The following TENM1 variants were observed in gnomAD, a reference collection of about 807,000 sequenced individuals.
The protein encoded by TENM1 is teneurin-1.
A neutral mutation model predicts 174.8 loss-of-function variants in TENM1; 35 were observed. That is an observed-to-expected ratio of 0.20 (90% CI 0.15 to 0.27). The LOEUF is 0.27. TENM1 is among the 10% of genes least tolerant of loss of function. TENM1 has a pLI of 1.00. For missense variants in TENM1, 1,633 were observed against 2,130.1 expected (o/e 0.77, Z 4.59); for synonymous variants, 781 against 798.7 (o/e 0.98, Z 0.37).
At chrX:124,894,679 A>G (rs1394532795) in intron 2 of TENM1, among the ~76,000 whole-genome samples, 1 of 111,251 alleles carries the variant, frequency 9.0e-6, no homozygotes, top group African/African-American at 3.3e-5. Flanking sequence ...AACCCAGTGA[A>G]TATGTCCAGA....
intron 3 of TENM1, among the ~76,000 whole-genome samples, chrX:124,797,548 C>T (rs1036600823): frequency 1.8e-5 from 2 of 111,165 alleles, no homozygotes; most frequent in African/African-American, 6.5e-5. Context: ...CTTATTTTTC[C>T]CTGGAAACAT....
At chrX:124,991,620 A>C in the TENM1 span, among the ~76,000 whole-genome samples, 1 of 110,562 alleles carries the variant, frequency 9.0e-6, no homozygotes, top group Non-Finnish European at 1.9e-5. Flanking sequence ...ATGATGCAAA[A>C]AAGGGGAATT....
chrX:124,833,358 C>T (rs1383441513), intron 3 of TENM1, among the ~76,000 whole-genome samples: 1 of 112,143 alleles, frequency 8.9e-6, no homozygotes, highest in Admixed American at 9.4e-5. Flanking sequence ...GCAATGCTTA[C>T]GTTCTTTGCA....
chrX:124,862,418 C>T (rs1249537305), intron 3 of TENM1, among the ~76,000 whole-genome samples: 1 of 111,843 alleles, frequency 8.9e-6, no homozygotes. Context: ...TTGCCCGTGG[C>T]AGCAGCTGTG....
intron 11 of TENM1, among the ~76,000 whole-genome samples, chrX:124,598,721 A>G (rs1352660234): frequency 2.7e-5 from 3 of 111,318 alleles, no homozygotes; most frequent in Non-Finnish European, 5.7e-5. Context: ...AGGGAGTAGA[A>G]GGATGGTTAC....
chrX:124,395,829 G>A (rs935640658), intron 27 of TENM1, among the ~76,000 whole-genome samples: 2 of 111,920 alleles, frequency 1.8e-5, no homozygotes, highest in African/African-American at 3.3e-5. Flanking sequence ...AAATATCCAT[G>A]TACTCCCAGA....
At chrX:124,905,329 G>T (rs191924244) in intron 1 of TENM1, among the ~76,000 whole-genome samples, 3 of 111,325 alleles carry the variant, frequency 2.7e-5, no homozygotes, top group African/African-American at 9.8e-5. Flanking sequence ...ATGAATGAAT[G>T]AATAAATTTT....
intron 3 of TENM1, among the ~76,000 whole-genome samples, chrX:124,787,804 T>G (rs1389712057): frequency 1.8e-5 from 2 of 112,382 alleles, no homozygotes; most frequent in Non-Finnish European, 3.8e-5. Context: ...AACAATGAAA[T>G]GAGATAGATT....
intron 23 of TENM1, among the ~76,000 whole-genome samples, chrX:124,436,936 CTTTTT>C (rs34651854): frequency 2.6e-5 from 1 of 38,491 alleles, no homozygotes; most frequent in Non-Finnish European, 4.3e-5. Context: ...CTGACTGCAT[CTTTTT>C]TTTTTTTTTT....
chrX:124,453,007 T>C (rs1383502886), intron 23 of TENM1, among the ~76,000 whole-genome samples: 1 of 111,043 alleles, frequency 9.0e-6, no homozygotes, highest in Non-Finnish European at 1.9e-5. Flanking sequence ...ACTTAAAGTA[T>C]AATAAAAAAA....
chrX:125,021,625 A>G, the TENM1 span, among the ~76,000 whole-genome samples: 2 of 111,339 alleles, frequency 1.8e-5, no homozygotes, highest in African/African-American at 6.5e-5. Context: ...TAAATGTTTT[A>G]GGCTTTCTGG....
the TENM1 span, among the ~76,000 whole-genome samples, chrX:125,199,690 C>T: frequency 2.2e-4 from 24 of 111,482 alleles, no homozygotes; most frequent in East Asian, 6.4e-3. Flanking sequence ...CCTGAAGTTA[C>T]ATAAAAATCT....
chrX:125,147,275 A>C, the TENM1 span, among the ~76,000 whole-genome samples: 1 of 109,420 alleles, frequency 9.1e-6, no homozygotes. Context: ...TATCTACATA[A>C]GTATAGTATA....
the TENM1 span, among the ~76,000 whole-genome samples, chrX:125,135,795 T>C: frequency 1.1e-4 from 12 of 112,210 alleles, no homozygotes; most frequent in East Asian, 3.4e-3. Context: ...CATATTCTTC[T>C]CAATAAAGAT....
At chrX:124,522,173 A>C (rs1182039615) in intron 17 of TENM1, among the ~76,000 whole-genome samples, 2 of 111,697 alleles carry the variant, frequency 1.8e-5, no homozygotes, top group African/African-American at 6.5e-5. Flanking sequence ...GCAATGGAAA[A>C]GATAAGGGGT....
At chrX:125,168,925 G>T in the TENM1 span, among the ~76,000 whole-genome samples, 2 of 110,830 alleles carry the variant, frequency 1.8e-5, no homozygotes, top group Non-Finnish European at 3.8e-5. Context: ...TGGTGTCATT[G>T]CAGGCCACTT....
chrX:124,596,210 G>GA (rs58718227), intron 11 of TENM1, among the ~76,000 whole-genome samples: 2 of 109,795 alleles, frequency 1.8e-5, no homozygotes, highest in African/African-American at 6.6e-5. Context: ...TGACTTAAGA[G>GA]AAAAAAAAAT....
chrX:124,452,746 C>T (rs1320496353), intron 23 of TENM1, among the ~76,000 whole-genome samples: 1 of 108,676 alleles, frequency 9.2e-6, no homozygotes, highest in African/African-American at 3.4e-5. Flanking sequence ...AACCATCATT[C>T]TCAGCAAACT....
At chrX:124,497,443 C>T (rs1330152760) in intron 19 of TENM1, among the ~76,000 whole-genome samples, 178 bp from the exon 23 acceptor site, 1 of 111,338 alleles carries the variant, frequency 9.0e-6, no homozygotes, top group Non-Finnish European at 1.9e-5. Context: ...ATAACCACAA[C>T]AAATAGTAGC....
Sources: allele counts gnomAD v4.1 joint callset (sites outside exome capture counted in the v4.1 genomes callset), GRCh38; gene constraint gnomAD v4.1.1; transcripts MANE v1.5; gene names NCBI Gene and HGNC (gene_info 2026-07-23, HGNC 2026-07-21).